SLC7A11: variants seen among roughly 807,000 people sequenced by gnomAD.
SLC7A11 encodes the protein solute carrier family 7 member 11, also known as cystine/glutamate transporter.
Under a neutral mutation model 54.5 loss-of-function variants are expected in SLC7A11, and 35 were observed. The ratio of observed to expected loss-of-function variants is 0.64; its 90% CI spans 0.49 to 0.85. The LOEUF (loss-of-function observed/expected upper bound fraction) is 0.85, where lower values mean the gene tolerates loss of function less well. Among genes scored for constraint, SLC7A11 ranks in the 40% least tolerant of loss-of-function variants. SLC7A11 has a pLI of 0.00. For missense variants in SLC7A11, 583 were observed against 618.1 expected, an observed-to-expected ratio of 0.94 and a Z score of 0.60; for synonymous variants, 230 against 225.2, an observed-to-expected ratio of 1.02 and a Z score of -0.19.
At chr4:138,198,381 C>T (rs1737191401) in intron 6 of SLC7A11, among the ~76,000 whole-genome samples, 1 of 152,002 alleles carries the variant, frequency 6.6e-6, no homozygotes, top group Admixed American at 6.6e-5. Flanking sequence ...CCATAATATA[C>T]AAAGAATTCT....
rs1491323495 is a variant in SLC7A11 at position 138,170,229 on chromosome 4, A to ATATATATATATATAT, written c.*1726_*1727insATATATATATATATA. 6 of 111,634 alleles carry ATATATATATATATAT rather than the reference A, an allele frequency of 5.4e-5. No individual in the cohort carries two copies. Among genetic ancestry groups the ATATATATATATATAT allele is most frequent in the African/African-American group, 1.3e-4 (4 of 31,412 alleles). The allele number at this position is 111,634 out of a possible 1,614,324, so 6.9% of individuals were successfully genotyped here. On this transcript the variant is annotated 3_prime_UTR_variant, in exon 12 of 12. Transcript: ENST00000280612. ...ACTATATATATATATATATATATATAAAAAGTGTGTGTGTGTGTGTGTATA... is the reference window on the plus strand; with the variant it reads ...ACTATATATATATATATATATATATATATATATATATATATAAAAGTGTGTGTGTGTGTGTGTATA...
At chr4:138,240,337 T>C (rs1228227708) in intron 1 of SLC7A11, among the ~76,000 whole-genome samples, 1 of 151,856 alleles carries the variant, frequency 6.6e-6, no homozygotes, top group African/African-American at 2.4e-5. Context: ...GAGACTGAGG[T>C]GGGTGGATCA....
At chr4:138,223,121 A>G in intron 4 of SLC7A11, 78 bp downstream of exon 4, 1 of 1,293,474 alleles carries the variant, frequency 7.7e-7, no homozygotes, top group East Asian at 2.3e-5. Context: ...GGATTCTGTT[A>G]GTACAAGCAA....
chr4:138,238,581 G>A (rs969304754), intron 1 of SLC7A11, among the ~76,000 whole-genome samples: 2 of 150,754 alleles, frequency 1.3e-5, no homozygotes, highest in Non-Finnish European at 2.9e-5. Flanking sequence ...TGACATCAAA[G>A]TCACCTAGGA....
chr4:138,205,818 A>G (rs1448174225), intron 6 of SLC7A11, among the ~76,000 whole-genome samples: 2 of 152,020 alleles, frequency 1.3e-5, no homozygotes, highest in African/African-American at 4.8e-5. Context: ...GGCTGACTTA[A>G]TGCTTCTGAT....
rs113207655 is a variant in SLC7A11, at chr4:138,224,902, G to A, written c.521-1578C>T. Among the ~76,000 whole-genome samples the A allele has an allele frequency of 9.5e-3, 1,430 of 151,142 alleles. 37 individuals are homozygous for A. The highest frequency in any genetic ancestry group is 0.033 in the African/African-American group (1,344 of 41,212). On this transcript the variant is annotated intron_variant, in intron 3 of 11. Transcript: ENST00000280612. ...CATATTTACCAAAACATCAACAGCA[G>A]GTGTTTATAAGTGATAGAACACTAA...
At chr4:138,212,575 G>T (rs1328977493) in intron 6 of SLC7A11, among the ~76,000 whole-genome samples, 1 of 150,916 alleles carries the variant, frequency 6.6e-6, no homozygotes, top group Non-Finnish European at 1.5e-5. Context: ...ACTAAATCAT[G>T]GACATTATCA....
rs1736360733 is a variant in SLC7A11, at chr4:138,169,742, A to C, written c.*2214T>G. 6.6e-6 allele frequency: 1 copy of C among 152,068 alleles called. No individual in the cohort carries two copies. The highest frequency in any genetic ancestry group is 6.6e-5 in the Admixed American group (1 of 15,248). 9.4% of individuals were successfully genotyped at this position (152,068 alleles called of 1,614,324 possible). A position where few individuals can be genotyped will look rare whatever the true frequency, so the allele number is the denominator to read the frequency against. ...GTCTATGGGGAAAAAAAAAATAGGA[A>C]TATGAAAGAAATTCTTACCTCCAGC... On this transcript the variant is annotated 3_prime_UTR_variant, in exon 12 of 12. Coordinates refer to ENST00000280612, the MANE Select transcript of SLC7A11 (RefSeq NM_014331.4).
intron 6 of SLC7A11, among the ~76,000 whole-genome samples, chr4:138,185,806 C>T (rs535166816): frequency 1.3e-5 from 2 of 152,232 alleles, no homozygotes; most frequent in South Asian, 2.1e-4. Context: ...ACCAAATAAA[C>T]GCACACTTTT....
At position 138,168,230 on chromosome 4, in the gene SLC7A11, G is replaced by A. The variant is rs1736317264; in HGVS notation, c.*3726C>T. The A allele has an allele frequency of 6.6e-6, 1 of 152,128 alleles. No homozygotes were observed. The highest frequency in any genetic ancestry group is 2.4e-5 in the African/African-American group (1 of 41,422). The allele number at this position is 152,128 out of a possible 1,614,324, so 9.4% of individuals were successfully genotyped here. A position where few individuals can be genotyped will look rare whatever the true frequency, so the allele number is the denominator to read the frequency against. ...CGAATGGAACATGTCTAAGTGAGAG[G>A]CACTGAAGCTTAGGTTTCATTAGCT... is the stretch of plus-strand genomic sequence containing the variant. On this transcript the variant is annotated 3_prime_UTR_variant, in exon 12 of 12. Coordinates refer to ENST00000280612, the MANE Select transcript of SLC7A11 (RefSeq NM_014331.4).
chr4:138,172,708 G>A (rs1022151867), intron 11 of SLC7A11, among the ~76,000 whole-genome samples: 1 of 152,214 alleles, frequency 6.6e-6, no homozygotes, highest in Non-Finnish European at 1.5e-5. Context: ...GCTGGCTCCA[G>A]TGTTCAGAAG....
Position 138,232,375 on chromosome 4 carries a change from C to A in SLC7A11, c.412G>T (p.Ala138Ser), listed in dbSNP as rs1231291954. The change falls in exon 3 of 12, where the codon GCT becomes TCT. Residue 138 changes from alanine to serine, a missense_variant. By Grantham distance (99) the Ala-to-Ser change is moderately conservative (BLOSUM62 1). Coordinates refer to ENST00000280612, the MANE Select transcript of SLC7A11 (RefSeq NM_014331.4). The stretch of plus-strand genomic sequence containing the variant: ...AATGCCAGGGATATCACAGCAGTAG[C>A]TGCAGGGCTAAAAAAAAATGTATAT... ...WVELLIIRPAATAVISLAFGR... is the reference protein window; with the variant it reads ...WVELLIIRPASTAVISLAFGR... The A allele has an allele frequency of 1.9e-6, 3 of 1,590,754 alleles. No individual in the cohort carries two copies. The highest frequency in any genetic ancestry group is 1.7e-4 in the Middle Eastern group (1 of 5,996).
intron 1 of SLC7A11, among the ~76,000 whole-genome samples, chr4:138,238,626 G>C (rs1738300352): frequency 6.6e-6 from 1 of 150,790 alleles, no homozygotes; most frequent in Admixed American, 6.6e-5. Flanking sequence ...TTGAGATAGG[G>C]TATCACTCTG....
At chr4:138,207,853 T>C (rs1330455153) in intron 6 of SLC7A11, among the ~76,000 whole-genome samples, 4 of 152,154 alleles carry the variant, frequency 2.6e-5, no homozygotes, top group South Asian at 2.1e-4. Flanking sequence ...TGTTTTCTTA[T>C]GTTTTTTACT....
At position 138,180,533 on chromosome 4, in the gene SLC7A11, CACAGA is replaced by C; in HGVS notation, c.1266+103_1266+107del. ...CTGCAAGAGTTAAACATTTTTATTC[CACAGA>C]TGCTGCCCCCAGCCCAACCTCCCCA... On this transcript the variant is annotated intron_variant, in intron 10 of 11. Coordinates refer to ENST00000280612, the MANE Select transcript of SLC7A11 (RefSeq NM_014331.4). The C allele has an allele frequency of 5.5e-6, 6 of 1,090,598 alleles. No homozygotes were observed. The South Asian group carries it at 1.1e-4, about 20-fold the overall frequency. The allele number at this position is 1,090,598 out of a possible 1,614,324, so 67.6% of individuals were successfully genotyped here.
chr4:138,214,695 T>C, intron 5 of SLC7A11, 66 bp from the exon 6 acceptor site: 2 of 558,716 alleles, frequency 3.6e-6, no homozygotes, highest in Non-Finnish European at 5.8e-6. Flanking sequence ...TCTCAAATTT[T>C]AAATATTTAA....
chr4:138,191,743 T>C (rs1374821037), intron 6 of SLC7A11, among the ~76,000 whole-genome samples: 1 of 152,206 alleles, frequency 6.6e-6, no homozygotes, highest in Admixed American at 6.6e-5. Context: ...GAGTAAATTT[T>C]CATTTGCTTG....
In SLC7A11 at chr4:138,197,925, A is replaced by T. The variant is rs546703262; in HGVS notation, c.792-12681T>A. On this transcript the variant is annotated intron_variant, in intron 6 of 11. Transcript: ENST00000280612. The stretch of plus-strand genomic sequence containing the variant: ...TTTATTATTATAATGACAAGTATCA[A>T]TGTAATATATTGTAAGTATCATAAA... Among the ~76,000 whole-genome samples the T allele has an allele frequency of 6.6e-5, 10 of 150,788 alleles. 1 individual carries two copies. The South Asian group carries it at 1.7e-3, about 25-fold the overall frequency.
intron 6 of SLC7A11, among the ~76,000 whole-genome samples, chr4:138,204,178 C>T (rs1056144331): frequency 6.6e-6 from 1 of 152,060 alleles, no homozygotes; most frequent in South Asian, 2.1e-4. Context: ...CCAGCTGTCG[C>T]GTTAGAAAGA....
Sources: allele counts gnomAD v4.1 joint callset (sites outside exome capture counted in the v4.1 genomes callset), GRCh38; gene constraint gnomAD v4.1.1; transcripts MANE v1.5; gene names NCBI Gene and HGNC (gene_info 2026-07-23, HGNC 2026-07-21).